TEX14: variants seen among roughly 807,000 people sequenced by gnomAD.
The protein encoded by TEX14 is testis expressed 14, intercellular bridge forming factor.
Under a neutral mutation model 178.6 loss-of-function variants are expected in TEX14, and 168 were observed. That is an observed-to-expected ratio of 0.94 (90% CI 0.83 to 1.07). The LOEUF (loss-of-function observed/expected upper bound fraction) is 1.07, where lower values mean the gene tolerates loss of function less well. Ranked by LOEUF, TEX14 falls within the 50% of genes least tolerant of loss-of-function variation. The pLI, the probability that TEX14 is intolerant of heterozygous loss-of-function variation, is 0.00. For missense variants in TEX14, 1,730 were observed against 1,753.6 expected (o/e 0.99, Z 0.24); for synonymous variants, 626 against 634.1 (o/e 0.99, Z 0.19).
intron 14 of TEX14, among the ~76,000 whole-genome samples, chr17:58,595,583 T>C (rs193391): frequency 0.16 from 24,183 of 152,244 alleles, 2,167 homozygotes; most frequent in Middle Eastern, 0.21. Flanking sequence ...GTAGAGAAGC[T>C]TGGGTGAGAC....
intron 1 of TEX14, among the ~76,000 whole-genome samples, chr17:58,671,193 A>G (rs1282788441): frequency 6.6e-6 from 1 of 152,154 alleles, no homozygotes; most frequent in African/African-American, 2.4e-5. Context: ...CCCATTCACT[A>G]AGATTATTAT....
intron 26 of TEX14, among the ~76,000 whole-genome samples, chr17:58,566,681 C>A (rs2044405857): frequency 6.6e-6 from 1 of 151,678 alleles, no homozygotes; most frequent in Admixed American, 6.6e-5. Context: ...CACCTGTAAT[C>A]CCAGCTACTC....
intron 1 of TEX14, among the ~76,000 whole-genome samples, chr17:58,676,299 C>T (rs1454764322): frequency 6.6e-6 from 1 of 151,890 alleles, no homozygotes; most frequent in Non-Finnish European, 1.5e-5. Flanking sequence ...TCACTTGAAC[C>T]CTGGGGGCAG....
chr17:58,569,005 G>A lies in TEX14; in HGVS notation c.3886+187C>T, dbSNP rs1240150483. Among the ~76,000 whole-genome samples the A allele has an allele frequency of 2.0e-5, 3 of 152,134 alleles. No individual in the cohort carries two copies. Among genetic ancestry groups the A allele is most frequent in the African/African-American group, 7.2e-5 (3 of 41,414 alleles). On this transcript the variant is annotated intron_variant, in intron 26 of 31. Coordinates refer to ENST00000349033, the MANE Select transcript of TEX14 (RefSeq NM_031272.5). This position sits in a 1 kb window ranked among gnomAD's most constrained non-coding sequence, Gnocchi z 4.1. The stretch of plus-strand genomic sequence containing the variant: ...GACACAAGCCAATCATCCTGGCCAG[G>A]CTGTGGCTCATTTTATTGCAAAACT...
Position 58,683,774 on chromosome 17 carries a change from AAG to A in TEX14, c.-2+8163_-2+8164del, listed in dbSNP as rs1237474245. 9.5e-5 allele frequency among the ~76,000 whole-genome samples: 12 copies of A among 126,840 alleles called. No individual in the cohort carries two copies. The South Asian group carries it at 2.3e-3, about 24-fold the overall frequency. The allele number at this position is 126,840 out of a possible 152,430, so 83.2% of individuals were successfully genotyped here. A position where few individuals can be genotyped will look rare whatever the true frequency, so the allele number is the denominator to read the frequency against. On this transcript the variant is annotated intron_variant, in intron 1 of 31. Transcript: ENST00000349033. Reference sequence around the variant, plus strand: ...CAAGACTCCAGCTCAAAAAAAAAAAAAGAGAGACTTGGTCAGGTGGAGTGGTT... The same window carrying A: ...CAAGACTCCAGCTCAAAAAAAAAAAAAGAGACTTGGTCAGGTGGAGTGGTT...
chr17:58,557,731 G>T, intron 31 of TEX14, 68 bp downstream of exon 31: 2 of 1,298,060 alleles, frequency 1.5e-6, no homozygotes, highest in Non-Finnish European at 2.2e-6. Context: ...ACTGGTAAAT[G>T]TTTTTAAGTC....
chr17:58,644,033 G>A (rs1168749266), intron 2 of TEX14, among the ~76,000 whole-genome samples: 8 of 151,832 alleles, frequency 5.3e-5, no homozygotes, highest in African/African-American at 1.7e-4. Flanking sequence ...CATGACGGAG[G>A]TAGGTTACCA....
At position 58,577,485 on chromosome 17, in the gene TEX14, A is replaced by AT; in HGVS notation, c.3239-30dup. 9 of 895,168 alleles carry AT rather than the reference A, an allele frequency of 1.0e-5. No individual in the cohort carries two copies. In the East Asian group the frequency reaches 2.3e-4, roughly 23 times the overall value. The allele number at this position is 895,168 out of a possible 1,614,324, so 55.5% of individuals were successfully genotyped here. A position where few individuals can be genotyped will look rare whatever the true frequency, so the allele number is the denominator to read the frequency against. On this transcript the variant is annotated intron_variant, in intron 20 of 31. Transcript: ENST00000349033. The stretch of plus-strand genomic sequence containing the variant: ...AAAGAATAAAGTTAAAAATATATAT[A>AT]TATATTTTTTTTTACTGAATCTTTG...
At chr17:58,669,497 C>T (rs1292722017) in intron 1 of TEX14, among the ~76,000 whole-genome samples, 1 of 151,628 alleles carries the variant, frequency 6.6e-6, no homozygotes, top group Non-Finnish European at 1.5e-5. Flanking sequence ...CTTTCGGAGG[C>T]CGAGGTTAAG....
intron 1 of TEX14, among the ~76,000 whole-genome samples, chr17:58,686,596 T>C (rs2047597025): frequency 6.6e-6 from 1 of 152,046 alleles, no homozygotes; most frequent in African/African-American, 2.4e-5. Context: ...GCCAAATATG[T>C]AGAAAGGAAA....
chr17:58,592,158 C>A (rs1385532419), intron 15 of TEX14, among the ~76,000 whole-genome samples: 1 of 151,232 alleles, frequency 6.6e-6, no homozygotes, highest in African/African-American at 2.4e-5. Flanking sequence ...AAATTTTAAT[C>A]AATTTTTTAA....
At chr17:58,606,837 G>A (rs2045618811) in intron 10 of TEX14, among the ~76,000 whole-genome samples, 2 of 151,632 alleles carry the variant, frequency 1.3e-5, no homozygotes, top group Admixed American at 1.3e-4. Context: ...AGACCAGCCT[G>A]GCCAACATGG....
intron 12 of TEX14, 95 bp from the exon 13 acceptor site, chr17:58,602,051 C>A: frequency 7.4e-7 from 1 of 1,342,384 alleles, no homozygotes; most frequent in Non-Finnish European, 1.0e-6. Context: ...TAAACTCCCT[C>A]TTATTCCTGT....
rs927165222 is a variant in TEX14, at chr17:58,684,389, G to A, written c.-2+7550C>T. ...ATACAGGAGAATCGCTTGAACACGG[G>A]AGGCGGAGGTTGGAGTGAGCTGAGA... On this transcript the variant is annotated intron_variant, in intron 1 of 31. Transcript: ENST00000349033. Among the ~76,000 whole-genome samples, 6 of 151,834 alleles carry A rather than the reference G, an allele frequency of 4.0e-5. No homozygotes were observed. In the South Asian group the frequency reaches 1.2e-3, roughly 32 times the overall value.
chr17:58,686,500 G>A (rs1454795900), intron 1 of TEX14, among the ~76,000 whole-genome samples: 1 of 152,180 alleles, frequency 6.6e-6, no homozygotes, highest in African/African-American at 2.4e-5. Context: ...CATCTGGACG[G>A]CAGAGGGTCA....
intron 21 of TEX14, among the ~76,000 whole-genome samples, chr17:58,576,118 A>C (rs555905481): frequency 1.3e-5 from 2 of 152,376 alleles, no homozygotes; most frequent in South Asian, 4.1e-4. Flanking sequence ...ATTGTGCCAG[A>C]TACGTTATAA....
At chr17:58,600,866 T>A (rs1417267977) in intron 13 of TEX14, among the ~76,000 whole-genome samples, 1 of 152,176 alleles carries the variant, frequency 6.6e-6, no homozygotes, top group Non-Finnish European at 1.5e-5. Context: ...TGAACCTTAG[T>A]TTTCTCATCT....
At chr17:58,607,332 C>T (rs373650617) in intron 10 of TEX14, among the ~76,000 whole-genome samples, 15 of 152,184 alleles carry the variant, frequency 9.9e-5, no homozygotes, top group Non-Finnish European at 2.1e-4. Flanking sequence ...TTACCTCCTA[C>T]CCCCTCACTT....
At chr17:58,572,418 G>A (rs779013641) in intron 23 of TEX14, among the ~76,000 whole-genome samples, 2 of 152,066 alleles carry the variant, frequency 1.3e-5, no homozygotes, top group Non-Finnish European at 2.9e-5. Flanking sequence ...GGATCACGAG[G>A]TCAGGAGATC....
Sources: allele counts gnomAD v4.1 joint callset (sites outside exome capture counted in the v4.1 genomes callset), GRCh38; gene constraint gnomAD v4.1.1; non-coding constraint Gnocchi (gnomAD v3.1); transcripts MANE v1.5; gene names NCBI Gene and HGNC (gene_info 2026-07-23, HGNC 2026-07-21).